ALOX15: variants seen among roughly 807,000 people sequenced by gnomAD.
The protein encoded by ALOX15 is arachidonate 15-lipoxygenase.
Under a neutral mutation model 71.7 loss-of-function variants are expected in ALOX15, and 68 were observed. The observed-to-expected ratio is 0.95, with a 90% CI of 0.78 to 1.16. The LOEUF (loss-of-function observed/expected upper bound fraction) is 1.16. Among genes scored for constraint, ALOX15 ranks in the 50% most tolerant of loss-of-function variants. The pLI, the probability that ALOX15 is intolerant of heterozygous loss-of-function variation, is 0.00. For missense variants in ALOX15, 798 were observed against 818.8 expected, an observed-to-expected ratio of 0.97 and a Z score of 0.31; for synonymous variants, 346 against 333.3, an observed-to-expected ratio of 1.04 and a Z score of -0.42.
chr17:4,639,711 C>T, intron 1 of ALOX15, 80 bp from the exon 2 acceptor site: 2 of 1,380,068 alleles, frequency 1.4e-6, no homozygotes, highest in South Asian at 1.3e-5. Context: ...CCTCCAGCGC[C>T]CACGCCCTTC....
At chr17:4,637,079 C>T in intron 7 of ALOX15, 36 bp downstream of exon 7, 1 of 1,585,414 alleles carries the variant, frequency 6.3e-7, no homozygotes, top group Non-Finnish European at 8.6e-7. Context: ...TTCTCAAAAG[C>T]CAGAGACTGG....
rs909827249 is a variant in ALOX15, at chr17:4,631,528, G to C, written c.*72C>G. On this transcript the variant is annotated 3_prime_UTR_variant, in exon 14 of 14. Transcript: ENST00000293761. ...GAAGAGGGTGGGACTTGGGAGGGCA[G>C]GGCTATAACCACGAAGGGGTCAGCT... is the stretch of plus-strand genomic sequence containing the variant. The C allele has an allele frequency of 4.5e-6, 7 of 1,564,036 alleles. No individual in the cohort carries two copies. The highest frequency in any genetic ancestry group is 6.1e-6 in the Non-Finnish European group (7 of 1,154,770).
At position 4,641,598 on chromosome 17, in the gene ALOX15, G is replaced by A. The variant is rs1911335940; in HGVS notation, c.54C>T (p.Ser18=). The change falls in exon 1 of 14, where the codon TCC becomes TCT. Residue 18 remains serine (S), a synonymous_variant. Coordinates refer to ENST00000293761, the MANE Select transcript of ALOX15 (RefSeq NM_001140.5). ...VSTGASLYAG[S]NNQVQLWLVG... ...CCAGCCACAGCTGCACCTGGTTGTT[G>A]GAACCGGCATAGAGCGAGGCCCCAG... The A allele has an allele frequency of 6.2e-7, 1 of 1,613,788 alleles. No individual in the cohort carries two copies. The highest frequency in any genetic ancestry group is 1.3e-5 in the African/African-American group (1 of 74,954).
chr17:4,636,138 C>A lies in ALOX15; in HGVS notation c.952-170G>T, dbSNP rs544623358. Among the ~76,000 whole-genome samples the A allele has an allele frequency of 1.5e-3, 232 of 152,280 alleles. 3 individuals are homozygous for A. The highest frequency in any genetic ancestry group is 5.3e-3 in the African/African-American group (220 of 41,570). ...CGTTTCCTCCCCTCCCCTTCCTGCCCGCTCAGTGCATTAGCACCCTGCAAG... is the reference window on the plus strand; with the variant it reads ...CGTTTCCTCCCCTCCCCTTCCTGCCAGCTCAGTGCATTAGCACCCTGCAAG... On this transcript the variant is annotated intron_variant, in intron 7 of 13. Coordinates refer to ENST00000293761, the MANE Select transcript of ALOX15 (RefSeq NM_001140.5).
rs372272057 is a variant in ALOX15, at chr17:4,639,536, G to A, written c.231C>T (p.Phe77=). Reference sequence around the variant, plus strand: ...GGCCCTGCACAGAGATCCAGTTGCAGAACCAGGCGTCGTCCTTAAGGAGGT... The same window carrying A: ...GGCCCTGCACAGAGATCCAGTTGCAAAACCAGGCGTCGTCCTTAAGGAGGT... ...KRHLLKDDAW[F]CNWISVQGPG... The change falls in exon 2 of 14, where the codon TTC becomes TTT. Residue 77 remains phenylalanine, a synonymous_variant. Transcript: ENST00000293761. 76 of 1,613,982 alleles carry A rather than the reference G, an allele frequency of 4.7e-5. No individual in the cohort carries two copies. Among genetic ancestry groups the A allele is most frequent in the Non-Finnish European group, 6.2e-5 (73 of 1,180,050 alleles).
chr17:4,633,450 C>T lies in ALOX15; in HGVS notation c.1212G>A (p.Arg404=), dbSNP rs1910987230. The T allele has an allele frequency of 6.2e-7, 1 of 1,614,068 alleles. No individual in the cohort carries two copies. Among genetic ancestry groups the T allele is most frequent in the Admixed American group, 1.7e-5 (1 of 59,994 alleles). ...TTCCCATGTCAGAGACCAGCCCAGT[C>T]CTGGCCCGGACGTTAATTTCCAGGG... is the stretch of plus-strand genomic sequence containing the variant. The part of the protein sequence containing the change: ...RYTLEINVRA[R]TGLVSDMGIF... Residue 404 remains arginine (R), a synonymous_variant, in exon 9 of 14, where the codon AGG becomes AGA. Transcript: ENST00000293761.
intron 1 of ALOX15, among the ~76,000 whole-genome samples, 168 bp downstream of exon 1, chr17:4,641,349 T>A (rs1439836327): frequency 6.6e-6 from 1 of 152,214 alleles, no homozygotes; most frequent in African/African-American, 2.4e-5. Flanking sequence ...TGCCACCGAC[T>A]GCCCTAAAGC....
intron 11 of ALOX15, 29 bp downstream of exon 11, chr17:4,632,832 T>G (rs370564969): frequency 2.0e-5 from 32 of 1,613,784 alleles, no homozygotes; most frequent in Non-Finnish European, 2.6e-5. Context: ...GCTTTGTGTC[T>G]GAGATCTCAG....
chr17:4,633,182 G>T lies in ALOX15; in HGVS notation c.1382C>A (p.Ala461Asp), dbSNP rs748340718. 1 of 1,614,146 alleles carries T rather than the reference G, an allele frequency of 6.2e-7. No homozygotes were observed. The highest frequency in any genetic ancestry group is 1.7e-5 in the Admixed American group (1 of 60,024). The change falls in exon 10 of 14, where the codon GCC (alanine) becomes GAC (aspartate). Residue 461 changes from alanine to aspartate, a missense_variant. Coordinates refer to ENST00000293761, the MANE Select transcript of ALOX15 (RefSeq NM_001140.5). ...TTCCCAGAGCCGCAGCGCATCTTGG[G>T]CATAGAAGGAAGACTTCACTCCCAG... ...GLLGVKSSFY[A>D]QDALRLWEII...
At position 4,641,643 on chromosome 17, in the gene ALOX15, G is replaced by A. The variant is rs749521758; in HGVS notation, c.9C>T (p.Leu3=). ...CCCCAGTGGACACGCGGATGCGGTA[G>A]AGACCCATCTTGCTCAAAGATGTTT... The part of the protein sequence containing the change: MG[L]YRIRVSTGAS... Residue 3 remains leucine (L), a synonymous_variant, in exon 1 of 14, where the codon CTC becomes CTT. Transcript: ENST00000293761. 4 of 1,612,778 alleles carry A rather than the reference G, an allele frequency of 2.5e-6. No homozygotes were observed. In the South Asian group the frequency reaches 3.3e-5, roughly 13 times the overall value.
chr17:4,632,794 C>A, intron 11 of ALOX15, 67 bp downstream of exon 11: 2 of 1,607,740 alleles, frequency 1.2e-6, no homozygotes, highest in Non-Finnish European at 1.7e-6. Context: ...TTCACAGAAG[C>A]ACAGGGGATT....
intron 3 of ALOX15, 33 bp from the exon 4 acceptor site, chr17:4,639,005 CT>C: frequency 6.2e-7 from 1 of 1,614,236 alleles, no homozygotes; most frequent in Non-Finnish European, 8.5e-7. Context: ...AGTATGGGTG[CT>C]GGAAGCATCA....
rs1597431724 is a variant in ALOX15, at chr17:4,637,280, G to A, written c.808-22C>T. ...CTCCCTGGGTGGGGGAAGAGGTCAA[G>A]GGCTGCTATCAACATAAAGCATCTT... On this transcript the variant is annotated intron_variant, in intron 6 of 13. Transcript: ENST00000293761. 1.9e-5 allele frequency: 30 copies of A among 1,595,552 alleles called. No homozygotes were observed. The East Asian group carries it at 6.8e-4, about 36-fold the overall frequency.
rs765440089 is a variant in ALOX15 at position 4,633,413 on chromosome 17, C to G, written c.1248+1G>C. ...CAGAATCTCCCTTTCTCTTCCCATA[C>G]CTGGTCGAAAATTCCCATGTCAGAG... is the stretch of plus-strand genomic sequence containing the variant. On this transcript the variant is annotated splice_donor_variant, in intron 9 of 13. Transcript: ENST00000293761. LOFTEE classifies it high-confidence loss of function. 1 of 1,614,128 alleles carries G rather than the reference C, an allele frequency of 6.2e-7. No individual in the cohort carries two copies. Among genetic ancestry groups the G allele is most frequent in the Non-Finnish European group, 8.5e-7 (1 of 1,179,978 alleles).
rs199995019 is a variant in ALOX15, at chr17:4,632,961, A to G, written c.1440T>C (p.Ser480=). The change falls in exon 11 of 14, where the codon AGT becomes AGC. Residue 480 remains serine, a synonymous_variant. Coordinates refer to ENST00000293761, the MANE Select transcript of ALOX15 (RefSeq NM_001140.5). ...CAGCCACGTCTGTCTTATAGTGGAG[A>G]CTCACGATTCCTTCCACATACCTAC... is the stretch of plus-strand genomic sequence containing the variant. The part of the protein sequence containing the change: ...IIYRYVEGIV[S]LHYKTDVAVK... The G allele has an allele frequency of 6.2e-7, 1 of 1,613,748 alleles. No individual in the cohort carries two copies. The highest frequency in any genetic ancestry group is 1.3e-5 in the African/African-American group (1 of 74,864).
chr17:4,634,822 T>C (rs989902025), intron 8 of ALOX15, among the ~76,000 whole-genome samples: 6 of 151,420 alleles, frequency 4.0e-5, no homozygotes, highest in African/African-American at 1.5e-4. Flanking sequence ...CTACTAAAAA[T>C]ACAAAAATTA....
At chr17:4,641,381 C>A (rs1319066223) in intron 1 of ALOX15, 136 bp downstream of exon 1, 17 of 1,328,346 alleles carry the variant, frequency 1.3e-5, no homozygotes, top group Non-Finnish European at 1.7e-5. Context: ...GTGGCCTCCG[C>A]GCGCTTTGAG....
intron 8 of ALOX15, among the ~76,000 whole-genome samples, chr17:4,634,516 C>CT (rs924382474): frequency 8.0e-4 from 116 of 144,510 alleles, no homozygotes; most frequent in Non-Finnish European, 8.1e-4. Flanking sequence ...GATTTCTCAA[C>CT]TTTTTTTTTT....
chr17:4,632,366 G>A (rs1910942893), intron 11 of ALOX15, 85 bp from the exon 12 acceptor site: 1 of 1,073,048 alleles, frequency 9.3e-7, no homozygotes, highest in African/African-American at 1.6e-5. Context: ...GAGAACAAGG[G>A]CGAGAAAGAG....
Sources: gnomAD v4.1 joint callset for allele counts (sites outside exome capture counted in the v4.1 genomes callset) on GRCh38, gnomAD v4.1.1 for gene constraint, MANE v1.5 for transcripts, NCBI Gene and HGNC (gene_info 2026-07-23, HGNC 2026-07-21) for gene names.